FHOD3: variants seen among roughly 807,000 people sequenced by gnomAD.
FHOD3 encodes the protein formin homology 2 domain containing 3, also known as FH1/FH2 domain-containing protein 3.
FHOD3 carries 90 observed loss-of-function variants against 173.0 expected under a neutral mutation model. The observed-to-expected ratio is 0.52, with a 90% CI of 0.44 to 0.62. The LOEUF is 0.62. Among genes scored for constraint, FHOD3 ranks in the 20% least tolerant of loss-of-function variants. FHOD3 has a pLI of 0.00. For missense variants in FHOD3, 1,945 were observed against 2,034.7 expected (o/e 0.96, Z 0.85); for synonymous variants, 828 against 823.0 (o/e 1.01, Z -0.10).
intron 5 of FHOD3, among the ~76,000 whole-genome samples, chr18:36,526,964 G>T (rs1486903971): frequency 1.3e-5 from 2 of 152,226 alleles, no homozygotes; most frequent in Non-Finnish European, 2.9e-5. Flanking sequence ...ACCAAGAATA[G>T]CTGAACCTTT....
chr18:36,612,752 T>C (rs942918404), intron 9 of FHOD3, among the ~76,000 whole-genome samples: 1 of 152,382 alleles, frequency 6.6e-6, no homozygotes, highest in Non-Finnish European at 1.5e-5. Context: ...CTTTAACTTG[T>C]AGGCAGAATC....
At chr18:36,597,666 T>C (rs2148410673) in intron 7 of FHOD3, among the ~76,000 whole-genome samples, 2 of 152,356 alleles carry the variant, frequency 1.3e-5, no homozygotes, top group Admixed American at 1.3e-4. Flanking sequence ...GACCTCGTGA[T>C]CCACCCGCCT....
At chr18:36,625,427 G>T in intron 9 of FHOD3, 84 bp from the exon 10 acceptor site, 1 of 1,216,634 alleles carries the variant, frequency 8.2e-7, no homozygotes, top group South Asian at 2.8e-5. Flanking sequence ...TCCCTATTAG[G>T]GCAATCCTGA....
At chr18:36,709,985 AT>A (rs1419487645) in intron 18 of FHOD3, 34 of 152,454 alleles carry the variant, frequency 2.2e-4, no homozygotes, top group Admixed American at 2.2e-3. Flanking sequence ...ACTCATAACT[AT>A]TCTTTTCTTT....
intron 8 of FHOD3, among the ~76,000 whole-genome samples, chr18:36,609,694 C>T (rs1448977536): frequency 6.7e-6 from 1 of 150,272 alleles, no homozygotes; most frequent in Non-Finnish European, 1.5e-5. Flanking sequence ...ACTGCAATCT[C>T]CGTCTCCCGG....
intron 1 of FHOD3, among the ~76,000 whole-genome samples, chr18:36,330,518 C>T (rs1239344660): frequency 6.6e-6 from 1 of 152,168 alleles, no homozygotes; most frequent in African/African-American, 2.4e-5. Context: ...AAGAGAGCCT[C>T]TGGGGATGGG....
At chr18:36,643,272 C>T (rs542711889) in intron 10 of FHOD3, among the ~76,000 whole-genome samples, 5 of 152,146 alleles carry the variant, frequency 3.3e-5, no homozygotes, top group South Asian at 4.2e-4. Context: ...GCACTGTTGA[C>T]GTTTTGAACT....
intron 3 of FHOD3, among the ~76,000 whole-genome samples, chr18:36,496,465 T>G (rs2054749219): frequency 6.6e-6 from 1 of 152,224 alleles, no homozygotes. Context: ...TCTTAAAATG[T>G]ATGTTACGAA....
intron 17 of FHOD3, among the ~76,000 whole-genome samples, chr18:36,703,799 C>T (rs916941798): frequency 6.6e-6 from 1 of 152,184 alleles, no homozygotes; most frequent in Admixed American, 6.5e-5. Context: ...ATTTTGCGAC[C>T]TGCATGAGGA....
At chr18:36,734,593 A>G (rs906669742) in intron 20 of FHOD3, among the ~76,000 whole-genome samples, 4 of 151,974 alleles carry the variant, frequency 2.6e-5, no homozygotes, top group Non-Finnish European at 4.4e-5. Context: ...ATCACCTACT[A>G]TCTTGGGCCA....
intron 9 of FHOD3, among the ~76,000 whole-genome samples, chr18:36,619,871 G>A (rs2033559257): frequency 6.6e-6 from 1 of 152,240 alleles, no homozygotes; most frequent in South Asian, 2.1e-4. Context: ...GAAAGACAGT[G>A]AATGAGGGAG....
intron 5 of FHOD3, among the ~76,000 whole-genome samples, chr18:36,567,449 A>T (rs955365451): frequency 1.3e-5 from 2 of 152,166 alleles, no homozygotes; most frequent in Non-Finnish European, 2.9e-5. Context: ...AAACAGAGCA[A>T]GGAGGAGTTT....
rs1419777101 is a variant in FHOD3, at chr18:36,718,169, T to A, written c.2871T>A (p.Asp957Glu). 2.5e-6 allele frequency: 4 copies of A among 1,612,536 alleles called. No homozygotes were observed. The highest frequency in any genetic ancestry group is 2.5e-6 in the Non-Finnish European group (3 of 1,179,168). The change falls in exon 19 of 29, where the codon GAT becomes GAA. Residue 957 changes from aspartate (D) to glutamate (E), a missense_variant. Asp to Glu is a conservative substitution (Grantham distance 45, BLOSUM62 2). Around this residue, in one of 5 missense-constraint regions of FHOD3, gnomAD observed 1,099 missense variants for 1,051.2 expected, o/e 1.05. Coordinates refer to ENST00000590592, the MANE Select transcript of FHOD3 (RefSeq NM_001281740.3). Reference sequence around the variant, plus strand: ...TGGGGAGAGGTTCCATCTCCCCTGATGCTGAGCCCAATGACAAGGTCCCAG... The same window carrying A: ...TGGGGAGAGGTTCCATCTCCCCTGAAGCTGAGCCCAATGACAAGGTCCCAG... ...GDLGRGSISP[D>E]AEPNDKVPET...
intron 5 of FHOD3, among the ~76,000 whole-genome samples, chr18:36,540,048 T>C (rs998364221): frequency 6.6e-6 from 1 of 152,146 alleles, no homozygotes; most frequent in African/African-American, 2.4e-5. Flanking sequence ...AAGCATATTT[T>C]CCAGAGATCA....
At chr18:36,567,150 A>T (rs1568436247) in intron 5 of FHOD3, among the ~76,000 whole-genome samples, 1 of 152,216 alleles carries the variant, frequency 6.6e-6, no homozygotes, top group African/African-American at 2.4e-5. Context: ...GGGGAAGGGA[A>T]GTCAAAATCC....
intron 3 of FHOD3, among the ~76,000 whole-genome samples, chr18:36,488,517 C>T (rs978796542): frequency 9.9e-5 from 15 of 152,154 alleles, no homozygotes; most frequent in Admixed American, 5.2e-4. Flanking sequence ...GCCCTGAGTG[C>T]AGTGCCCAGG....
In FHOD3 at chr18:36,548,191, CA is replaced by C. The variant is rs199522312; in HGVS notation, c.512-28255del. 7.3e-3 allele frequency among the ~76,000 whole-genome samples: 1,097 copies of C among 151,264 alleles called. 8 individuals are homozygous for C. Among genetic ancestry groups the C allele is most frequent in the African/African-American group, 0.025 (1,037 of 41,198 alleles). ...TGGGTGAGAGAGTGAGACAATGTCTCAAAAACAAAAAAAAAATTCTGTACAT... is the reference window on the plus strand; with the variant it reads ...TGGGTGAGAGAGTGAGACAATGTCTCAAAACAAAAAAAAAATTCTGTACAT... On this transcript the variant is annotated intron_variant, in intron 5 of 28. Transcript: ENST00000590592.
chr18:36,312,840 A>G (rs937475094), intron 1 of FHOD3, among the ~76,000 whole-genome samples: 2 of 152,162 alleles, frequency 1.3e-5, no homozygotes, highest in African/African-American at 4.8e-5. Flanking sequence ...GCTTCAAACA[A>G]TCATATTTAT....
chr18:36,652,926 A>G lies in FHOD3; in HGVS notation c.1643A>G (p.Asn548Ser), dbSNP rs1395940859. ...KEKEAESQKE[N>S]SSSDSFSLST... ...AAGGAAGCAGAGTCCCAGAAGGAAAACAGGTAGATTTGCTCACCTGGAGGC... is the reference window on the plus strand; with the variant it reads ...AAGGAAGCAGAGTCCCAGAAGGAAAGCAGGTAGATTTGCTCACCTGGAGGC... Residue 548 changes from asparagine (N) to serine (S), a missense_variant, in exon 12 of 29, where the codon AAC (asparagine) becomes AGC (serine). By Grantham distance (46) the Asn-to-Ser change is conservative. Transcript: ENST00000590592. 4 of 1,529,946 alleles carry G rather than the reference A, an allele frequency of 2.6e-6. 1 individual carries two copies. The South Asian group carries it at 3.6e-5, about 14-fold the overall frequency. The allele number at this position is 1,529,946 out of a possible 1,614,324, so 94.8% of individuals were successfully genotyped here.
Sources: allele counts gnomAD v4.1 joint callset (sites outside exome capture counted in the v4.1 genomes callset), GRCh38; gene constraint gnomAD v4.1.1; regional missense constraint gnomAD v4.1.1; transcripts MANE v1.5; gene names NCBI Gene and HGNC (gene_info 2026-07-23, HGNC 2026-07-21).